The following MCTP2 variants were observed in gnomAD, a reference collection of about 807,000 sequenced individuals.
The protein encoded by MCTP2 is multiple C2 and transmembrane domain containing 2, also known as multiple C2 and transmembrane domain-containing protein 2.
In MCTP2, 132 loss-of-function variants were observed where a neutral mutation model predicts 111.6. The ratio of observed to expected loss-of-function variants is 1.18; its 90% confidence interval spans 1.03 to 1.37. MCTP2 has a LOEUF of 1.37. Among genes scored for constraint, MCTP2 ranks in the 40% most tolerant of loss-of-function variants. The pLI, the probability that MCTP2 is intolerant of heterozygous loss-of-function variation, is 0.00. For synonymous variants in MCTP2, 395 were observed against 387.7 expected, an observed-to-expected ratio of 1.02 and a Z score of -0.22; for missense variants, 1,183 against 1,067.9, an observed-to-expected ratio of 1.11 and a Z score of -1.50.
intron 19 of MCTP2, among the ~76,000 whole-genome samples, chr15:94,456,424 G>T (rs999041453): frequency 4.6e-5 from 7 of 152,216 alleles, no homozygotes; most frequent in African/African-American, 1.7e-4. Context: ...TAAACTGGAT[G>T]CTGCCGAAAA....
intron 2 of MCTP2, among the ~76,000 whole-genome samples, chr15:94,301,921 T>C (rs56185628): frequency 0.017 from 2,612 of 152,078 alleles, 68 homozygotes; most frequent in African/African-American, 0.06. Flanking sequence ...GTTTTAGATA[T>C]GGCTTATCTG....
chr15:94,245,218 G>GTGTA (rs1371476137), intron 1 of MCTP2, among the ~76,000 whole-genome samples: 1 of 138,550 alleles, frequency 7.2e-6, no homozygotes, highest in African/African-American at 2.6e-5. Context: ...ATACATATGT[G>GTGTA]TATATATACA....
intron 1 of MCTP2, among the ~76,000 whole-genome samples, chr15:94,290,921 T>A (rs1314682610): frequency 1.3e-5 from 2 of 152,210 alleles, no homozygotes; most frequent in Non-Finnish European, 2.9e-5. Flanking sequence ...CTGATGTAAC[T>A]GAAAGGAGAA....
intron 4 of MCTP2, among the ~76,000 whole-genome samples, chr15:94,337,021 G>A (rs544328084): frequency 2.0e-5 from 3 of 152,158 alleles, no homozygotes; most frequent in East Asian, 1.9e-4. Context: ...CCATTCAGGT[G>A]TCATCTCATC....
chr15:94,450,381 C>T (rs2084371797), intron 19 of MCTP2, among the ~76,000 whole-genome samples: 1 of 152,190 alleles, frequency 6.6e-6, no homozygotes, highest in Admixed American at 6.5e-5. Flanking sequence ...CGTCTGCATC[C>T]CTGCATGCCC....
In MCTP2 at chr15:94,283,272, C is replaced by A. The variant is rs572459681; in HGVS notation, c.-65-14929C>A. Among the ~76,000 whole-genome samples the A allele has an allele frequency of 2.6e-5, 4 of 152,276 alleles. No individual in the cohort carries two copies. The East Asian group carries it at 5.8e-4, about 22-fold the overall frequency. ...GGTGGAACACTCAGATCAGATTGTT[C>A]CTGTCCCATAGCAAGACATCCTTGC... On this transcript the variant is annotated intron_variant, in intron 1 of 22. Transcript: ENST00000357742.
intron 20 of MCTP2, among the ~76,000 whole-genome samples, chr15:94,467,876 A>G (rs1203280325): frequency 9.0e-6 from 1 of 110,862 alleles, no homozygotes; most frequent in African/African-American, 2.7e-5. Flanking sequence ...ACCTATACAA[A>G]TGTAGAAATT....
chr15:94,320,764 G>T (rs2076597803), intron 4 of MCTP2, among the ~76,000 whole-genome samples: 1 of 152,130 alleles, frequency 6.6e-6, no homozygotes, highest in Admixed American at 6.5e-5. Context: ...TAGGTCACCT[G>T]GTCCAGCTGC....
intron 10 of MCTP2, among the ~76,000 whole-genome samples, chr15:94,364,944 C>T (rs915984469): frequency 6.6e-6 from 1 of 152,108 alleles, no homozygotes; most frequent in Non-Finnish European, 1.5e-5. Context: ...TCCCGTCTTT[C>T]CTCCTTCTTC....
intron 4 of MCTP2, among the ~76,000 whole-genome samples, chr15:94,319,282 T>C (rs1349523406): frequency 6.6e-6 from 1 of 152,146 alleles, no homozygotes; most frequent in African/African-American, 2.4e-5. Context: ...TACTAATACA[T>C]GTGCTCCCTC....
chr15:94,477,174 G>A (rs930100115), intron 22 of MCTP2, among the ~76,000 whole-genome samples: 2 of 152,064 alleles, frequency 1.3e-5, no homozygotes, highest in Admixed American at 1.3e-4. Context: ...AGCATTTTAG[G>A]GGAAGTAGGG....
chr15:94,243,517 G>A (rs578161051), intron 1 of MCTP2, among the ~76,000 whole-genome samples: 1 of 138,292 alleles, frequency 7.2e-6, no homozygotes, highest in East Asian at 2.1e-4. Context: ...GCGTATATGC[G>A]TATGTACACA....
chr15:94,354,127 G>A (rs113359660), intron 8 of MCTP2, among the ~76,000 whole-genome samples: 4 of 152,008 alleles, frequency 2.6e-5, no homozygotes, highest in African/African-American at 9.6e-5. Flanking sequence ...ATATATATAT[G>A]AAGTAAGAAG....
intron 20 of MCTP2, among the ~76,000 whole-genome samples, chr15:94,463,848 C>T (rs1184809395): frequency 6.6e-6 from 1 of 151,986 alleles, no homozygotes; most frequent in Non-Finnish European, 1.5e-5. Flanking sequence ...TATTTTTATG[C>T]TTTATTTTGG....
intron 1 of MCTP2, among the ~76,000 whole-genome samples, chr15:94,236,111 G>A (rs1055518693): frequency 6.6e-6 from 1 of 152,120 alleles, no homozygotes; most frequent in African/African-American, 2.4e-5. Context: ...GGGCTCCTAT[G>A]GATTACCCAG....
intron 14 of MCTP2, among the ~76,000 whole-genome samples, chr15:94,388,290 A>G (rs2080639285): frequency 6.6e-6 from 1 of 152,194 alleles, no homozygotes; most frequent in Non-Finnish European, 1.5e-5. Context: ...GGACCCTGGC[A>G]TGGTGCACTC....
At chr15:94,328,250 T>TCC (rs2076971802) in intron 4 of MCTP2, among the ~76,000 whole-genome samples, 1 of 151,388 alleles carries the variant, frequency 6.6e-6, no homozygotes, top group African/African-American at 2.4e-5. Flanking sequence ...TGCCTCAGCC[T>TCC]CATGAGTAGC....
chr15:94,297,607 G>A (rs186577420), intron 1 of MCTP2, among the ~76,000 whole-genome samples: 1 of 152,086 alleles, frequency 6.6e-6, no homozygotes, highest in Admixed American at 6.6e-5. Flanking sequence ...GTTAAAGCAG[G>A]GATCAGCAAG....
At chr15:94,327,935 T>A (rs1444286287) in intron 4 of MCTP2, among the ~76,000 whole-genome samples, 4 of 152,184 alleles carry the variant, frequency 2.6e-5, no homozygotes, top group Non-Finnish European at 4.4e-5. Flanking sequence ...TTTATCTGTT[T>A]CTGTGGAACC....
Sources: allele counts gnomAD v4.1 joint callset (sites outside exome capture counted in the v4.1 genomes callset), GRCh38; gene constraint gnomAD v4.1.1; transcripts MANE v1.5; gene names NCBI Gene and HGNC (gene_info 2026-07-23, HGNC 2026-07-21).